The following CPQ variants were observed in gnomAD, a reference collection of about 807,000 sequenced individuals.
CPQ encodes the protein carboxypeptidase Q.
In CPQ, 37 loss-of-function variants were observed where a neutral mutation model predicts 45.7. That is an observed-to-expected ratio of 0.81 (90% CI 0.62 to 1.07). The LOEUF is 1.07. Ranked by LOEUF, CPQ falls within the 50% of genes least tolerant of loss-of-function variation. The pLI, the probability that CPQ is intolerant of heterozygous loss-of-function variation, is 0.00. For synonymous variants in CPQ, 186 were observed against 205.8 expected (o/e 0.90, Z 0.82); for missense variants, 537 against 572.9 (o/e 0.94, Z 0.64).
chr8:96,785,319 C>A lies in CPQ; in HGVS notation c.422C>A (p.Thr141Asn). ...AILGLGSSIGTPPEGITAEVL... is the reference protein window; with the variant it reads ...AILGLGSSIGNPPEGITAEVL... ...CTGGGTCTTGGCAGCAGCATTGGGA[C>A]TCCTCCAGAAGGTATTGTTTGTCTT... is the stretch of plus-strand genomic sequence containing the variant. Residue 141 changes from threonine (T) to asparagine (N), a missense_variant, in exon 2 of 8, where the codon ACT becomes AAT. Transcript: ENST00000220763. The A allele has an allele frequency of 6.2e-7, 1 of 1,605,108 alleles. No individual in the cohort carries two copies. Among genetic ancestry groups the A allele is most frequent in the Non-Finnish European group, 8.5e-7 (1 of 1,174,764 alleles).
At chr8:96,994,304 C>T (rs1391061209) in intron 5 of CPQ, among the ~76,000 whole-genome samples, 2 of 152,048 alleles carry the variant, frequency 1.3e-5, no homozygotes, top group African/African-American at 2.4e-5. Context: ...GATCAGGTTG[C>T]AACTACTAGT....
intron 3 of CPQ, among the ~76,000 whole-genome samples, chr8:96,874,401 C>T (rs1812119098): frequency 6.6e-6 from 1 of 151,762 alleles, no homozygotes; most frequent in Non-Finnish European, 1.5e-5. Context: ...TGTGCAACCA[C>T]CACAACTAAT....
chr8:96,969,104 A>G (rs781772927), intron 5 of CPQ, among the ~76,000 whole-genome samples: 7 of 152,212 alleles, frequency 4.6e-5, no homozygotes, highest in Non-Finnish European at 1.0e-4. Flanking sequence ...ATCATTTTCT[A>G]TGAAGTTAGA....
At chr8:97,085,164 G>T (rs1203627999) in intron 7 of CPQ, among the ~76,000 whole-genome samples, 3 of 151,984 alleles carry the variant, frequency 2.0e-5, no homozygotes, top group Non-Finnish European at 4.4e-5. Context: ...AGGGAAGATT[G>T]CCTGAGCCTA....
chr8:96,659,987 T>C (rs935322007), intron 1 of CPQ, among the ~76,000 whole-genome samples: 1 of 152,144 alleles, frequency 6.6e-6, no homozygotes, highest in African/African-American at 2.4e-5. Context: ...TTTTGAAAAA[T>C]TGCTTGTGGA....
chr8:97,119,687 G>A (rs1303214655), intron 7 of CPQ, among the ~76,000 whole-genome samples: 3 of 152,106 alleles, frequency 2.0e-5, no homozygotes, highest in Non-Finnish European at 4.4e-5. Flanking sequence ...TTAGAACAGC[G>A]ATAGCATACA....
chr8:96,796,051 G>A (rs1810923266), intron 2 of CPQ, among the ~76,000 whole-genome samples: 1 of 151,748 alleles, frequency 6.6e-6, no homozygotes, highest in African/African-American at 2.4e-5. Flanking sequence ...AATTATTAAT[G>A]TACATATTGA....
At chr8:96,890,815 A>C (rs1159356787) in intron 4 of CPQ, among the ~76,000 whole-genome samples, 1 of 152,200 alleles carries the variant, frequency 6.6e-6, no homozygotes, top group African/African-American at 2.4e-5. Context: ...AGGAACAGAA[A>C]ACAAGAATTT....
intron 5 of CPQ, among the ~76,000 whole-genome samples, chr8:96,996,539 C>G (rs1809181682): frequency 6.6e-6 from 1 of 151,962 alleles, no homozygotes; most frequent in Non-Finnish European, 1.5e-5. Context: ...CTGTTTTATC[C>G]TAACAAATTT....
At chr8:96,998,334 G>GA (rs756231864) in intron 5 of CPQ, among the ~76,000 whole-genome samples, 1 of 151,672 alleles carries the variant, frequency 6.6e-6, no homozygotes, top group Non-Finnish European at 1.5e-5. Context: ...AGAATTTCTA[G>GA]AAAAAAATCT....
chr8:96,677,516 G>A (rs1809091464), intron 1 of CPQ, among the ~76,000 whole-genome samples: 1 of 151,658 alleles, frequency 6.6e-6, no homozygotes, highest in Middle Eastern at 3.2e-3. Flanking sequence ...TTTTTGATGG[G>A]ATTTGGATTT....
chr8:96,955,028 T>C (rs191385931), intron 4 of CPQ, among the ~76,000 whole-genome samples: 256 of 152,310 alleles, frequency 1.7e-3, no homozygotes, highest in African/African-American at 5.9e-3. Flanking sequence ...TCCAAGTCTT[T>C]GATATTGTGA....
intron 1 of CPQ, among the ~76,000 whole-genome samples, chr8:96,715,652 TC>T (rs1165424484): frequency 2.0e-5 from 3 of 152,130 alleles, no homozygotes; most frequent in Non-Finnish European, 2.9e-5. Context: ...CTGCAGACTT[TC>T]CCTGTGGAGT....
intron 6 of CPQ, among the ~76,000 whole-genome samples, chr8:97,031,590 A>G (rs546684225): frequency 2.7e-3 from 414 of 152,350 alleles, no homozygotes; most frequent in African/African-American, 9.2e-3. Flanking sequence ...ATGTGAAAAA[A>G]GAAGGTTTAT....
At chr8:97,005,465 G>C (rs1809366347) in intron 5 of CPQ, among the ~76,000 whole-genome samples, 1 of 151,954 alleles carries the variant, frequency 6.6e-6, no homozygotes, top group African/African-American at 2.4e-5. Context: ...ACTTTGGGAG[G>C]CTGAGGTGGG....
At chr8:96,856,318 A>G (rs1677758925) in intron 3 of CPQ, among the ~76,000 whole-genome samples, 1 of 152,168 alleles carries the variant, frequency 6.6e-6, no homozygotes, top group Admixed American at 6.5e-5. Context: ...CTGTGGAGAC[A>G]GTGGGCAGTG....
intron 5 of CPQ, among the ~76,000 whole-genome samples, chr8:97,005,049 G>A (rs1809356792): frequency 1.3e-5 from 2 of 151,862 alleles, no homozygotes; most frequent in African/African-American, 4.8e-5. Flanking sequence ...TGATTGGGAA[G>A]CTTGTGAATT....
intron 1 of CPQ, among the ~76,000 whole-genome samples, chr8:96,664,054 T>G (rs1318713622): frequency 6.6e-6 from 1 of 152,208 alleles, no homozygotes; most frequent in Non-Finnish European, 1.5e-5. Context: ...ATTATTAAAA[T>G]TAAATAAAAT....
chr8:96,882,498 A>T (rs954703730), intron 4 of CPQ, among the ~76,000 whole-genome samples: 6 of 152,172 alleles, frequency 3.9e-5, no homozygotes, highest in Non-Finnish European at 8.8e-5. Context: ...GGATTATAAT[A>T]CTATCGCTGT....
Sources: allele counts gnomAD v4.1 joint callset (sites outside exome capture counted in the v4.1 genomes callset), GRCh38; gene constraint gnomAD v4.1.1; transcripts MANE v1.5; gene names NCBI Gene and HGNC (gene_info 2026-07-23, HGNC 2026-07-21).